Variants in ZNF286A observed in about 807,000 individuals in gnomAD.
The protein encoded by ZNF286A is zinc finger protein ZNF286.
In ZNF286A, 34 loss-of-function variants were observed where a neutral mutation model predicts 49.3. The ratio of observed to expected loss-of-function variants is 0.69; its 90% confidence interval spans 0.52 to 0.92. The LOEUF (loss-of-function observed/expected upper bound fraction) is 0.92. Ranked by LOEUF, ZNF286A falls within the 40% of genes least tolerant of loss-of-function variation. The pLI is 0.00. For missense variants in ZNF286A, 462 were observed against 600.2 expected (o/e 0.77, Z 2.41); for synonymous variants, 155 against 200.4 (o/e 0.77, Z 1.91).
intron 5 of ZNF286A, among the ~76,000 whole-genome samples, chr17:15,710,760 C>T (rs762016070): frequency 6.6e-6 from 1 of 152,124 alleles, no homozygotes; most frequent in Non-Finnish European, 1.5e-5. Context: ...GTGACTTACC[C>T]ACTCACCACC....
Position 15,716,275 on chromosome 17 carries a change from C to G in ZNF286A, c.551C>G (p.Ser184Cys). ...ATGTTCACTCACATGAATTCACTCT[C>G]TGAGGAAACAGACCATAAGCATGAT... ...REMFTHMNSL[S>C]EETDHKHDVY... Residue 184 changes from serine to cysteine, a missense_variant, in exon 6 of 6, where the codon TCT (serine) becomes TGT (cysteine). Coordinates refer to ENST00000583566, the MANE Select transcript of ZNF286A (RefSeq NM_001130842.2). 6.2e-7 allele frequency: 1 copy of G among 1,613,890 alleles called. No individual in the cohort carries two copies.
In ZNF286A at chr17:15,718,877, C is replaced by T; in HGVS notation, c.*1587C>T. 1.4e-5 allele frequency: 2 copies of T among 137,962 alleles called. No homozygotes were observed. The highest frequency in any genetic ancestry group is 3.1e-5 in the Non-Finnish European group (2 of 64,842). The allele number at this position is 137,962 out of a possible 1,614,324, so 8.5% of individuals were successfully genotyped here. ...GGTCTCAGGGAGCTTTTACTCATGG[C>T]AAAAGGCAAAGCCAGAGCAGGTATC... On this transcript the variant is annotated 3_prime_UTR_variant, in exon 6 of 6. Coordinates refer to ENST00000583566, the MANE Select transcript of ZNF286A (RefSeq NM_001130842.2).
chr17:15,704,340 G>T, intron 3 of ZNF286A: 1 of 1,610,830 alleles, frequency 6.2e-7, no homozygotes. Flanking sequence ...CCCCTCCCAG[G>T]CCCCCTGGGG....
intron 3 of ZNF286A, 97 bp from the exon 4 acceptor site, chr17:15,706,290 G>A: frequency 2.3e-6 from 2 of 866,832 alleles, no homozygotes; most frequent in African/African-American, 1.7e-5. Flanking sequence ...CCCCTCTTAA[G>A]TGCATCTCAG....
At chr17:15,708,095 A>G in intron 4 of ZNF286A, 60 bp from the exon 5 acceptor site, 1 of 1,257,434 alleles carries the variant, frequency 8.0e-7, no homozygotes. Flanking sequence ...GAAAACTTCC[A>G]CAAATAACTT....
rs1302120172 is a variant in ZNF286A, at chr17:15,719,794, G to C, written c.*2504G>C. 1 of 152,164 alleles carries C rather than the reference G, an allele frequency of 6.6e-6. No homozygotes were observed. Among genetic ancestry groups the C allele is most frequent in the Non-Finnish European group, 1.5e-5 (1 of 68,050 alleles). The allele number at this position is 152,164 out of a possible 1,614,324, so 9.4% of individuals were successfully genotyped here. On this transcript the variant is annotated 3_prime_UTR_variant, in exon 6 of 6. Coordinates refer to ENST00000583566, the MANE Select transcript of ZNF286A (RefSeq NM_001130842.2). ...TACAGAAAATATTTTCTTGGCCCCT[G>C]TTCCAGAGCATTCATCAAGTCAGAT...
At chr17:15,708,129 G>A in intron 4 of ZNF286A, 26 bp from the exon 5 acceptor site, 1 of 1,505,242 alleles carries the variant, frequency 6.6e-7, no homozygotes, top group African/African-American at 1.4e-5. Flanking sequence ...TCTTCTTTCT[G>A]TCTTTTTCTT....
chr17:15,708,395 GAAAAT>G, intron 5 of ZNF286A, 148 bp downstream of exon 5: 2 of 497,338 alleles, frequency 4.0e-6, no homozygotes, highest in Non-Finnish European at 6.7e-6. Context: ...CAGAAGTCCA[GAAAAT>G]AAAATAACAT....
rs938279186 is a variant in ZNF286A at position 15,719,056 on chromosome 17, A to G, written c.*1766A>G. 5 of 118,710 alleles carry G rather than the reference A, an allele frequency of 4.2e-5. No individual in the cohort carries two copies. The highest frequency in any genetic ancestry group is 8.7e-5 in the Non-Finnish European group (5 of 57,422). The allele number at this position is 118,710 out of a possible 1,614,324, so 7.4% of individuals were successfully genotyped here. On this transcript the variant is annotated 3_prime_UTR_variant, in exon 6 of 6. Transcript: ENST00000583566. ...TACCTGCGTGGTCCAGTCACCTTGC[A>G]CCAGGCCCCACCTCCCACATTGGGG... is the stretch of plus-strand genomic sequence containing the variant.
At chr17:15,710,232 C>T (rs898543393) in intron 5 of ZNF286A, among the ~76,000 whole-genome samples, 3 of 151,958 alleles carry the variant, frequency 2.0e-5, no homozygotes, top group Non-Finnish European at 2.9e-5. Context: ...TAATCTTTGG[C>T]TTATTTTATT....
At chr17:15,708,444 A>G (rs1256249456) in intron 5 of ZNF286A, 197 bp downstream of exon 5, 21 of 404,448 alleles carry the variant, frequency 5.2e-5, no homozygotes, top group Non-Finnish European at 8.7e-5. Flanking sequence ...GACACGTACT[A>G]ATATTTTGCT....
At chr17:15,707,384 G>T (rs1464171269) in intron 4 of ZNF286A, among the ~76,000 whole-genome samples, 1 of 150,036 alleles carries the variant, frequency 6.7e-6, no homozygotes, top group East Asian at 2.0e-4. Flanking sequence ...AGCTTGCAGT[G>T]AGCCGAGATT....
chr17:15,704,655 C>G (rs1260682986), intron 3 of ZNF286A: 10 of 1,613,878 alleles, frequency 6.2e-6, no homozygotes, highest in Non-Finnish European at 8.5e-6. Flanking sequence ...GGTGGAAGAT[C>G]TTGGTCAGGA....
At chr17:15,704,022 A>G (rs1989986290) in intron 3 of ZNF286A, among the ~76,000 whole-genome samples, 1 of 150,438 alleles carries the variant, frequency 6.6e-6, no homozygotes, top group Non-Finnish European at 1.5e-5. Flanking sequence ...TGATTTTTAC[A>G]TATTATTTTA....
rs767676265 is a variant in ZNF286A at position 15,716,382 on chromosome 17, C to G, written c.658C>G (p.Leu220Val). The change falls in exon 6 of 6, where the codon CTT becomes GTT. Residue 220 changes from leucine (L) to valine (V), a missense_variant. Leu to Val is a conservative substitution (Grantham distance 32, BLOSUM62 1). Around this residue, in one of 3 missense-constraint regions of ZNF286A, gnomAD observed 259 missense variants for 272.2 expected, o/e 0.95. Coordinates refer to ENST00000583566, the MANE Select transcript of ZNF286A (RefSeq NM_001130842.2). ...CAAAGGATCTTATGCCTTCCATACACTTGAAAAAAGCTTGAAACAAAAATC... is the reference window on the plus strand; with the variant it reads ...CAAAGGATCTTATGCCTTCCATACAGTTGAAAAAAGCTTGAAACAAAAATC... ...VPKGSYAFHTLEKSLKQKSNL... is the reference protein window; with the variant it reads ...VPKGSYAFHTVEKSLKQKSNL... 3.1e-6 allele frequency: 5 copies of G among 1,613,436 alleles called. No individual in the cohort carries two copies. The highest frequency in any genetic ancestry group is 4.5e-5 in the East Asian group (2 of 44,878).
At chr17:15,702,872 C>A (rs1446316792) in intron 3 of ZNF286A, among the ~76,000 whole-genome samples, 1 of 152,208 alleles carries the variant, frequency 6.6e-6, no homozygotes, top group Non-Finnish European at 1.5e-5. Flanking sequence ...AATGTTAAAA[C>A]CTAATTCTTC....
At chr17:15,709,586 G>A (rs1272974921) in intron 5 of ZNF286A, among the ~76,000 whole-genome samples, 5 of 151,904 alleles carry the variant, frequency 3.3e-5, no homozygotes, top group South Asian at 2.1e-4. Context: ...GAATCATTTC[G>A]GTGTTTTTGT....
chr17:15,704,994 C>G (rs1489811874), intron 3 of ZNF286A: 17 of 945,608 alleles, frequency 1.8e-5, no homozygotes, highest in Middle Eastern at 3.7e-4. Context: ...GCCGCTGCGG[C>G]CCTGGAGAGG....
At chr17:15,715,893 A>T in intron 5 of ZNF286A, 166 bp from the exon 6 acceptor site, 1 of 1,483,726 alleles carries the variant, frequency 6.7e-7, no homozygotes, top group Non-Finnish European at 9.0e-7. Flanking sequence ...TAGTCTGAGC[A>T]TTTGTTTCCC....
Sources: gnomAD v4.1 joint callset for allele counts (sites outside exome capture counted in the v4.1 genomes callset) on GRCh38, gnomAD v4.1.1 for gene constraint, gnomAD v4.1.1 regional missense constraint, MANE v1.5 for transcripts, NCBI Gene and HGNC (gene_info 2026-07-23, HGNC 2026-07-21) for gene names.